The following NUTM2F variants were observed in gnomAD, a reference collection of about 807,000 sequenced individuals.
NUTM2F encodes family with sequence similarity 22, member F.
A neutral mutation model predicts 43.3 loss-of-function variants in NUTM2F; 22 were observed. The observed-to-expected ratio is 0.51, with a 90% CI of 0.36 to 0.73. The LOEUF is 0.73. Among genes scored for constraint, NUTM2F ranks in the 30% least tolerant of loss-of-function variants. The probability of loss-of-function intolerance (pLI) is 0.00; values close to 1 mark genes in which losing one functional copy is unlikely to be tolerated. For missense variants in NUTM2F, 488 were observed against 927.4 expected (o/e 0.53, Z 6.15); for synonymous variants, 202 against 389.0 (o/e 0.52, Z 5.66).
Position 94,320,980 on chromosome 9 carries a change from G to A in NUTM2F, c.982+113C>T, listed in dbSNP as rs1238198698. The A allele has an allele frequency of 6.8e-7, 1 of 1,462,878 alleles. No homozygotes were observed. The highest frequency in any genetic ancestry group is 1.4e-5 in the African/African-American group (1 of 70,674). The allele number at this position is 1,462,878 out of a possible 1,614,324, so 90.6% of individuals were successfully genotyped here. On this transcript the variant is annotated intron_variant, in intron 4 of 6. Transcript: ENST00000253262. The surrounding 1 kb of genome is among the most constrained non-coding windows in gnomAD (Gnocchi z 4.5). ...AACATACACTCCCGGAAGCTGTCCT[G>A]TTGGAGGGAGCAAATCCCCCTCTTG...
chr9:94,324,085 T>G (rs966936764), intron 2 of NUTM2F, among the ~76,000 whole-genome samples: 3 of 151,710 alleles, frequency 2.0e-5, no homozygotes, highest in African/African-American at 7.3e-5. Flanking sequence ...CTGCTCAACA[T>G]AGTGAAACCC....
At position 94,322,331 on chromosome 9, in the gene NUTM2F, T is replaced by C; in HGVS notation, c.714-2A>G. The C allele has an allele frequency of 6.2e-7, 1 of 1,611,906 alleles. No homozygotes were observed. Among genetic ancestry groups the C allele is most frequent in the Non-Finnish European group, 8.5e-7 (1 of 1,179,824 alleles). Reference sequence around the variant, plus strand: ...CGGGCCAGGGATCGGAGAACTGGGCTGTAAACCAGTGCAGTCAGTCCCAGT... The same window carrying C: ...CGGGCCAGGGATCGGAGAACTGGGCCGTAAACCAGTGCAGTCAGTCCCAGT... On this transcript the variant is annotated splice_acceptor_variant, in intron 2 of 6. Coordinates refer to ENST00000253262, the MANE Select transcript of NUTM2F (RefSeq NM_017561.2). LOFTEE classifies it high-confidence loss of function.
At position 94,320,120 on chromosome 9, in the gene NUTM2F, A is replaced by G; in HGVS notation, c.1368+88T>C. The G allele has an allele frequency of 9.0e-7, 1 of 1,111,390 alleles. No homozygotes were observed. Among genetic ancestry groups the G allele is most frequent in the Non-Finnish European group, 1.3e-6 (1 of 759,460 alleles). 68.8% of individuals were successfully genotyped at this position (1,111,390 alleles called of 1,614,324 possible). ...ATCCATGGAAATACACATACTACTGAGTAGCTAAGGAACAGAGCTTAATTC... is the reference window on the plus strand; with the variant it reads ...ATCCATGGAAATACACATACTACTGGGTAGCTAAGGAACAGAGCTTAATTC... On this transcript the variant is annotated intron_variant, in intron 5 of 6. Coordinates refer to ENST00000253262, the MANE Select transcript of NUTM2F (RefSeq NM_017561.2). This position sits in a 1 kb window ranked among gnomAD's most constrained non-coding sequence, Gnocchi z 4.5.
rs1831327931 is a variant in NUTM2F, at chr9:94,319,524, AGGGTGGGCTTAGACAATC to A, written c.1485+71_1485+88del. The A allele has an allele frequency of 2.0e-6, 3 of 1,526,534 alleles. No homozygotes were observed. The Admixed American group carries it at 5.0e-5, about 26-fold the overall frequency. 94.6% of individuals were successfully genotyped at this position (1,526,534 alleles called of 1,614,324 possible). A position where few individuals can be genotyped will look rare whatever the true frequency, so the allele number is the denominator to read the frequency against. ...CCCCAAGAAGCTGAACATCCCCAGC[AGGGTGGGCTTAGACAATC>A]GGGTGGGCCTTGTGTGCCGGGTCCC... On this transcript the variant is annotated intron_variant, in intron 6 of 6. Transcript: ENST00000253262.
chr9:94,326,441 C>T (rs1477957369), intron 1 of NUTM2F, among the ~76,000 whole-genome samples: 2 of 152,012 alleles, frequency 1.3e-5, no homozygotes, highest in African/African-American at 4.8e-5. Flanking sequence ...TTTCCTAGCT[C>T]AACACAACAA....
intron 2 of NUTM2F, among the ~76,000 whole-genome samples, chr9:94,323,015 G>A (rs933604777): frequency 6.6e-6 from 1 of 151,896 alleles, no homozygotes; most frequent in African/African-American, 2.4e-5. Context: ...GCTTCCTGGG[G>A]ACTCTGGAGC....
intron 2 of NUTM2F, 84 bp from the exon 3 acceptor site, chr9:94,322,413 T>C: frequency 6.4e-7 from 1 of 1,561,762 alleles, no homozygotes. Context: ...GCTCCTGTCC[T>C]CCCCACACCT....
At chr9:94,324,880 A>G (rs1331002582) in intron 2 of NUTM2F, among the ~76,000 whole-genome samples, 1 of 147,508 alleles carries the variant, frequency 6.8e-6, no homozygotes, top group Non-Finnish European at 1.5e-5. Context: ...CCAACTACTC[A>G]GGAAGCTGAG....
Position 94,320,271 on chromosome 9 carries a change from G to A in NUTM2F, c.1305C>T (p.Thr435=), listed in dbSNP as rs748471368. Residue 435 remains threonine, a synonymous_variant, in exon 5 of 7, where the codon ACC becomes ACT. Coordinates refer to ENST00000253262, the MANE Select transcript of NUTM2F (RefSeq NM_017561.2). This position sits in a 1 kb window ranked among gnomAD's most constrained non-coding sequence, Gnocchi z 4.5. ...TGTAGCTCAGGAGGCCCGGGTCTGA[G>A]GTTATCCCGTCCTCTTCCTGCGGCT... ...VEQPQEEDGI[T]SDPGLLSYID... 33 of 1,613,986 alleles carry A rather than the reference G, an allele frequency of 2.0e-5. No homozygotes were observed. The African/African-American group carries it at 4.3e-4, about 21-fold the overall frequency.
At position 94,321,861 on chromosome 9, in the gene NUTM2F, C is replaced by T. The variant is rs547442188; in HGVS notation, c.842+340G>A. 7.9e-5 allele frequency among the ~76,000 whole-genome samples: 12 copies of T among 151,532 alleles called. 1 individual carries two copies. Among genetic ancestry groups the T allele is most frequent in the African/African-American group, 2.4e-4 (10 of 41,288 alleles). On this transcript the variant is annotated intron_variant, in intron 3 of 6. Coordinates refer to ENST00000253262, the MANE Select transcript of NUTM2F (RefSeq NM_017561.2). The stretch of plus-strand genomic sequence containing the variant: ...CCACTGCTGTGAGGAGCCTGCCCCC[C>T]ACTCTGTCTTTAGTCACTAGCACCC...
Position 94,320,550 on chromosome 9 carries a change from G to A in NUTM2F, c.1026C>T (p.Cys342=), listed in dbSNP as rs749202438. The A allele has an allele frequency of 2.0e-5, 33 of 1,610,426 alleles. No homozygotes were observed. The highest frequency in any genetic ancestry group is 6.7e-5 in the Admixed American group (4 of 59,874). ...GCCTCTGGGGCCTGGGTGGTGGCAG[G>A]CAGGCAGTCGGGGCCTTGGGGCCAT... ...SKDGPKAPTA[C]LPPPRPQRPA... Residue 342 remains cysteine, a synonymous_variant, in exon 5 of 7, where the codon TGC becomes TGT. Transcript: ENST00000253262. This position sits in a 1 kb window ranked among gnomAD's most constrained non-coding sequence, Gnocchi z 4.5.
In NUTM2F at chr9:94,325,771, G is replaced by A; in HGVS notation, c.180C>T (p.Pro60=). The A allele has an allele frequency of 1.2e-6, 2 of 1,612,114 alleles. No homozygotes were observed. Among genetic ancestry groups the A allele is most frequent in the Non-Finnish European group, 8.5e-7 (1 of 1,179,854 alleles). ...CCTGTCCTGCCACTAGAGGGGTGCT[G>A]GGGAAGGCAGAGAGCACCAGAGGGC... ...PAGPLVLSAF[P]STPLVAGQDG... is the part of the protein sequence containing the mutation. The change falls in exon 2 of 7, where the codon CCC becomes CCT. Residue 60 remains proline, a synonymous_variant. Transcript: ENST00000253262.
chr9:94,325,975 C>T, intron 1 of NUTM2F, 41 bp from the exon 2 acceptor site: 5 of 1,607,688 alleles, frequency 3.1e-6, no homozygotes, highest in Non-Finnish European at 4.2e-6. Flanking sequence ...CTGGCGTCTC[C>T]AGGTCCACAC....
At position 94,325,823 on chromosome 9, in the gene NUTM2F, A is replaced by G. The variant is rs1472840018; in HGVS notation, c.128T>C (p.Leu43Pro). The G allele has an allele frequency of 1.4e-5, 23 of 1,611,900 alleles. No homozygotes were observed. Among genetic ancestry groups the G allele is most frequent in the Non-Finnish European group, 1.9e-5 (23 of 1,179,836 alleles). ...GGCTGGAGGAACCACTGCAGTCACGAGGGGCGGCCTGTGTGCTGGGCCGGG... is the reference window on the plus strand; with the variant it reads ...GGCTGGAGGAACCACTGCAGTCACGGGGGGCGGCCTGTGTGCTGGGCCGGG... ...PAPGPAHRPP[L>P]VTAVVPPAGP... Residue 43 changes from leucine (L) to proline (P), a missense_variant, in exon 2 of 7, where the codon CTC becomes CCC. Coordinates refer to ENST00000253262, the MANE Select transcript of NUTM2F (RefSeq NM_017561.2).
chr9:94,322,694 T>C (rs1338397400), intron 2 of NUTM2F, among the ~76,000 whole-genome samples: 1 of 151,858 alleles, frequency 6.6e-6, no homozygotes, highest in Non-Finnish European at 1.5e-5. Context: ...GTCCCAGTCA[T>C]GGAATCCGAG....
In NUTM2F at chr9:94,321,229, G is replaced by C. The variant is rs983207179; in HGVS notation, c.846C>G (p.Phe282Leu). ...TCTCCTCCTCAGCCTCAAATTCCAG[G>C]AACCTGTGGGTGAAGGAGGCCCAGG... ...RMIFYEMAEKFLEFEAEEEMQ... is the reference protein window; with the variant it reads ...RMIFYEMAEKLLEFEAEEEMQ... Residue 282 changes from phenylalanine to leucine, a missense_variant, in exon 4 of 7, where the codon TTC (phenylalanine) becomes TTG (leucine). Physicochemically the swap from Phe to Leu is conservative, Grantham distance 22. Transcript: ENST00000253262. 1 of 1,579,766 alleles carries C rather than the reference G, an allele frequency of 6.3e-7. No individual in the cohort carries two copies. The highest frequency in any genetic ancestry group is 1.1e-5 in the South Asian group (1 of 87,788).
Position 94,325,798 on chromosome 9 carries a change from G to A in NUTM2F, c.153C>T (p.Ala51=), listed in dbSNP as rs557589822. 1.2e-4 allele frequency: 187 copies of A among 1,612,166 alleles called. 2 individuals carry two copies. The South Asian group carries it at 1.9e-3, about 16-fold the overall frequency. The part of the protein sequence containing the change: ...PPLVTAVVPP[A]GPLVLSAFPS... ...GGAAGGCAGAGAGCACCAGAGGGCC[G>A]GCTGGAGGAACCACTGCAGTCACGA... The change falls in exon 2 of 7, where the codon GCC becomes GCT. Residue 51 remains alanine (A), a synonymous_variant. Transcript: ENST00000253262.
At position 94,325,749 on chromosome 9, in the gene NUTM2F, G is replaced by T. The variant is rs746592329; in HGVS notation, c.202C>A (p.Gln68Lys). ...AFPSTPLVAG[Q>K]DGRGPSGAGA... Reference sequence around the variant, plus strand: ...GCCCCACTCGGGCCGCGGCCATCCTGTCCTGCCACTAGAGGGGTGCTGGGG... The same window carrying T: ...GCCCCACTCGGGCCGCGGCCATCCTTTCCTGCCACTAGAGGGGTGCTGGGG... The change falls in exon 2 of 7, where the codon CAG becomes AAG. Residue 68 changes from glutamine to lysine, a missense_variant. Physicochemically the swap from Gln to Lys is moderately conservative, Grantham distance 53. Coordinates refer to ENST00000253262, the MANE Select transcript of NUTM2F (RefSeq NM_017561.2). 1.9e-6 allele frequency: 3 copies of T among 1,611,746 alleles called. No individual in the cohort carries two copies. Among genetic ancestry groups the T allele is most frequent in the African/African-American group, 2.7e-5 (2 of 74,878 alleles).
intron 5 of NUTM2F, among the ~76,000 whole-genome samples, 158 bp from the exon 6 acceptor site, chr9:94,319,887 G>A (rs1831333352): frequency 6.6e-6 from 1 of 152,042 alleles, no homozygotes. Context: ...ACAGACCACA[G>A]ACCTCGTAGC....
Sources: gnomAD v4.1 joint callset for allele counts (sites outside exome capture counted in the v4.1 genomes callset) on GRCh38, gnomAD v4.1.1 for gene constraint, Gnocchi (gnomAD v3.1) non-coding constraint, MANE v1.5 for transcripts, NCBI Gene and HGNC (gene_info 2026-07-23, HGNC 2026-07-21) for gene names.